SYNE1: variants seen among roughly 807,000 people sequenced by gnomAD.
The protein encoded by SYNE1 is spectrin repeat containing nuclear envelope protein 1, also known as nesprin-1.
Under a neutral mutation model 1,111.0 loss-of-function variants are expected in SYNE1, and 616 were observed. The observed-to-expected ratio is 0.55, with a 90% CI of 0.52 to 0.59. The LOEUF (loss-of-function observed/expected upper bound fraction) is 0.59. Among genes scored for constraint, SYNE1 ranks in the 20% least tolerant of loss-of-function variants. The pLI is 0.00. For synonymous variants in SYNE1, 3,855 were observed against 3,825.8 expected (o/e 1.01, Z -0.28); for missense variants, 10,006 against 10,417.0 (o/e 0.96, Z 1.72).
intron 105 of SYNE1, 54 bp downstream of exon 105, chr6:152,249,107 A>C: frequency 8.7e-7 from 1 of 1,150,518 alleles, no homozygotes; most frequent in Non-Finnish European, 1.3e-6. Context: ...ATTTCATAGT[A>C]AGTCATATCT....
rs9397492 is a variant in SYNE1, at chr6:152,221,099, G to T, written c.21657-53C>A. ...CAGATTACCACCTCTCACCAAATGT[G>T]GATATGTGCTATTTTATTTTTCATG... On this transcript the variant is annotated intron_variant, in intron 118 of 145. Coordinates refer to ENST00000367255, the MANE Select transcript of SYNE1 (RefSeq NM_182961.4). The T allele has an allele frequency of 0.33, 516,242 of 1,550,784 alleles. 89,326 individuals carry two copies. Among genetic ancestry groups the T allele is most frequent in the East Asian group, 0.55 (24,371 of 44,404 alleles).
intron 34 of SYNE1, among the ~76,000 whole-genome samples, chr6:152,433,126 A>G (rs1443142617): frequency 6.6e-6 from 1 of 152,054 alleles, no homozygotes; most frequent in African/African-American, 2.4e-5. Context: ...AAGTGGCTGA[A>G]TTTTGAAAAT....
At position 152,225,875 on chromosome 6, in the gene SYNE1, T is replaced by A; in HGVS notation, c.21197A>T (p.Asp7066Val). The stretch of plus-strand genomic sequence containing the variant: ...TTTTGCTTTAATCAAATCTTCCAGA[T>A]CCTGAAAGATTTAAAAAATAGTCAC... ...SVQNALKDCQ[D>V]LEDLIKAKEK... Residue 7066 changes from aspartate (D) to valine (V), a missense_variant and splice_region_variant, in exon 116 of 146, where the codon GAT becomes GTT. By Grantham distance (152) the Asp-to-Val change is radical. Coordinates refer to ENST00000367255, the MANE Select transcript of SYNE1 (RefSeq NM_182961.4). 6.2e-7 allele frequency: 1 copy of A among 1,612,320 alleles called. No homozygotes were observed. The highest frequency in any genetic ancestry group is 2.2e-5 in the East Asian group (1 of 44,842).
chr6:152,588,724 A>C (rs999276135), intron 3 of SYNE1, among the ~76,000 whole-genome samples: 16 of 152,172 alleles, frequency 1.1e-4, no homozygotes, highest in Non-Finnish European at 8.8e-5. Context: ...AGGGAGAAGG[A>C]AAGGCAGGCA....
chr6:152,427,678 C>T lies in SYNE1; in HGVS notation c.5100+15G>A, dbSNP rs761978729. The T allele has an allele frequency of 1.2e-6, 2 of 1,613,968 alleles. No homozygotes were observed. The highest frequency in any genetic ancestry group is 1.7e-6 in the Non-Finnish European group (2 of 1,179,984). On this transcript the variant is annotated intron_variant, in intron 38 of 145. Transcript: ENST00000367255. ...GCATTTTATTTTTTCCTTCCTCACA[C>T]TTCCTTGAACTTGCCTGTATTAACT...
At chr6:152,208,973 T>C (rs1237009575) in intron 124 of SYNE1, among the ~76,000 whole-genome samples, 1 of 151,956 alleles carries the variant, frequency 6.6e-6, no homozygotes, top group South Asian at 2.1e-4. Context: ...TTTCTGGCTT[T>C]AAAAAAATAT....
At chr6:152,178,681 A>G (rs2067096994) in intron 129 of SYNE1, among the ~76,000 whole-genome samples, 1 of 152,180 alleles carries the variant, frequency 6.6e-6, no homozygotes, top group African/African-American at 2.4e-5. Context: ...GAAGTTAGGC[A>G]CTGTTTCAGG....
intron 98 of SYNE1, among the ~76,000 whole-genome samples, chr6:152,272,619 A>T (rs1241013599): frequency 6.6e-6 from 1 of 152,238 alleles, no homozygotes; most frequent in Non-Finnish European, 1.5e-5. Context: ...CTTCACATAG[A>T]GAAGCAGTCT....
chr6:152,501,379 G>A (rs1387641516), intron 10 of SYNE1, among the ~76,000 whole-genome samples: 4 of 152,140 alleles, frequency 2.6e-5, no homozygotes, highest in African/African-American at 4.8e-5. Context: ...AAGGCAACAC[G>A]AAAAACATTT....
intron 142 of SYNE1, chr6:152,134,161 T>C (rs2056511436): frequency 6.6e-6 from 1 of 152,666 alleles, no homozygotes; most frequent in Non-Finnish European, 1.5e-5. Context: ...AAATATACTG[T>C]ACATTATATT....
intron 22 of SYNE1, among the ~76,000 whole-genome samples, chr6:152,457,791 T>G (rs1259226096): frequency 6.6e-6 from 1 of 151,912 alleles, no homozygotes; most frequent in Admixed American, 6.6e-5. Flanking sequence ...CACGTATGCC[T>G]TTTTAAGTGA....
chr6:152,442,434 T>C (rs1230864853), intron 30 of SYNE1, among the ~76,000 whole-genome samples, 189 bp from the exon 31 acceptor site: 1 of 152,220 alleles, frequency 6.6e-6, no homozygotes, highest in Non-Finnish European at 1.5e-5. Flanking sequence ...ATAAATATTG[T>C]ATGTTTTTAA....
intron 84 of SYNE1, among the ~76,000 whole-genome samples, chr6:152,319,705 G>C (rs1229623721): frequency 8.5e-6 from 1 of 117,950 alleles, no homozygotes; most frequent in African/African-American, 3.1e-5. Flanking sequence ...AACCTCTTTA[G>C]TAGGGAGAAA....
In SYNE1 at chr6:152,151,541, A is replaced by C. The variant is rs2060422419; in HGVS notation, c.24450+12T>G. ...TTTCTTCACTTTGGTAACTTGAAAA[A>C]TAATCTATTACCTTGAGTTGCTTTA... On this transcript the variant is annotated intron_variant, in intron 135 of 145. Transcript: ENST00000367255. The C allele has an allele frequency of 6.2e-7, 1 of 1,613,642 alleles. No homozygotes were observed.
At position 152,444,529 on chromosome 6, in the gene SYNE1, A is replaced by C; in HGVS notation, c.3719T>G (p.Ile1240Arg). 6.2e-7 allele frequency: 1 copy of C among 1,613,280 alleles called. No individual in the cohort carries two copies. Among genetic ancestry groups the C allele is most frequent in the Non-Finnish European group, 8.5e-7 (1 of 1,179,838 alleles). The change falls in exon 30 of 146, where the codon ATA (isoleucine) becomes AGA (arginine). Residue 1240 changes from isoleucine (I) to arginine (R), a missense_variant. This residue lies in a region of SYNE1 where 1,971 missense variants were observed against 2,084.1 expected (regional missense o/e 0.95). Transcript: ENST00000367255. ...NFGDCVQYKEIVKNSLEELIS... is the reference protein window; with the variant it reads ...NFGDCVQYKERVKNSLEELIS... ...TAATTCTTCGAGAGAATTTTTGACT[A>C]TTTCTTTGTACTGGACACAGTCCCC...
intron 64 of SYNE1, among the ~76,000 whole-genome samples, chr6:152,360,447 G>A (rs1273560936): frequency 2.6e-5 from 4 of 152,176 alleles, no homozygotes; most frequent in Admixed American, 6.5e-5. Context: ...TGGACTATAT[G>A]TCTGCTGTTT....
chr6:152,318,951 AT>A lies in SYNE1; in HGVS notation c.16300del (p.Ile5434PhefsTer4), dbSNP rs1563028226. 1.2e-6 allele frequency: 2 copies of A among 1,614,070 alleles called. No individual in the cohort carries two copies. The highest frequency in any genetic ancestry group is 2.7e-5 in the African/African-American group (2 of 74,928). On this transcript the variant is annotated frameshift_variant, in exon 85 of 146. Transcript: ENST00000367255. LOFTEE classifies it high-confidence loss of function. ...TGTGAGGTCTTTAGCTAACTTCTGA[AT>A]TTGCCGGCTGAGTTCCTGGCTCGTG... is the stretch of plus-strand genomic sequence containing the variant. ...KATSQELSRQ[I>X]QKLAKDLTTI...
At chr6:152,398,188 A>G (rs1446165845) in intron 49 of SYNE1, among the ~76,000 whole-genome samples, 3 of 152,104 alleles carry the variant, frequency 2.0e-5, no homozygotes, top group Non-Finnish European at 4.4e-5. Context: ...TAAAACCTAT[A>G]AAACCTGTAA....
At chr6:152,125,020 G>A (rs1333279004) in intron 145 of SYNE1, among the ~76,000 whole-genome samples, 1 of 152,230 alleles carries the variant, frequency 6.6e-6, no homozygotes, top group Non-Finnish European at 1.5e-5. Flanking sequence ...TCAGGGAAGT[G>A]AAATAACTGG....
Sources: gnomAD v4.1 joint callset for allele counts (sites outside exome capture counted in the v4.1 genomes callset) on GRCh38, gnomAD v4.1.1 for gene constraint, gnomAD v4.1.1 regional missense constraint, MANE v1.5 for transcripts, NCBI Gene and HGNC (gene_info 2026-07-23, HGNC 2026-07-21) for gene names.